FAT4: variants seen among roughly 807,000 people sequenced by gnomAD.
FAT4 encodes the protein protocadherin Fat 4.
FAT4 carries 84 observed loss-of-function variants against 303.9 expected under a neutral mutation model. The ratio of observed to expected loss-of-function variants is 0.28; its 90% CI spans 0.23 to 0.33. The LOEUF is 0.33. FAT4 is among the 10% of genes least tolerant of loss of function. FAT4 has a pLI of 1.00. For synonymous variants in FAT4, 2,307 were observed against 2,298.8 expected (o/e 1.00, Z -0.10); for missense variants, 6,005 against 6,146.8 (o/e 0.98, Z 0.77).
rs571796140 is a variant in FAT4, at chr4:125,395,727, A to G, written c.5176-3057A>G. Among the ~76,000 whole-genome samples the G allele has an allele frequency of 1.7e-4, 26 of 152,286 alleles. 2 individuals are homozygous for G. The South Asian group carries it at 4.1e-3, about 24-fold the overall frequency. On this transcript the variant is annotated intron_variant, in intron 2 of 17. Coordinates refer to ENST00000394329, the MANE Select transcript of FAT4 (RefSeq NM_001291303.3). The stretch of plus-strand genomic sequence containing the variant: ...TCTTACTAAAAATATAACTTTGCAT[A>G]TATCAGAATATAATGATGATGAAAT...
At chr4:125,418,626 A>G (rs776270665) in intron 7 of FAT4, among the ~76,000 whole-genome samples, 2 of 152,206 alleles carry the variant, frequency 1.3e-5, no homozygotes, top group African/African-American at 4.8e-5. Flanking sequence ...CAATTCCATT[A>G]CTGATGATAT....
At chr4:125,388,819 T>A (rs550327296) in intron 2 of FAT4, among the ~76,000 whole-genome samples, 1 of 152,292 alleles carries the variant, frequency 6.6e-6, no homozygotes, top group Admixed American at 6.5e-5. Flanking sequence ...AAGCATTTTG[T>A]TTTAAGAATG....
Position 125,321,097 on chromosome 4 carries a change from A to G in FAT4, c.4686A>G (p.Glu1562=). 1 of 1,614,184 alleles carries G rather than the reference A, an allele frequency of 6.2e-7. No individual in the cohort carries two copies. The highest frequency in any genetic ancestry group is 1.1e-5 in the South Asian group (1 of 91,082). ...ACCCAGATGAAGGTGCTAATGGAGAAATAGAGTATGAGATCATCAATGGGG... is the reference window on the plus strand; with the variant it reads ...ACCCAGATGAAGGTGCTAATGGAGAGATAGAGTATGAGATCATCAATGGGG... ...AADPDEGANG[E]IEYEIINGDT... is the part of the protein sequence containing the mutation. Residue 1562 remains glutamate (E), a synonymous_variant, in exon 2 of 18, where the codon GAA becomes GAG. Coordinates refer to ENST00000394329, the MANE Select transcript of FAT4 (RefSeq NM_001291303.3).
rs1436839992 is a variant in FAT4 at position 125,481,528 on chromosome 4, T to A, written c.12612T>A (p.Thr4204=). ...TTTTCCTTTGACTTCCAGCTGTTACTCCTGACACTGCCTTATCATTAGAAG... is the reference window on the plus strand; with the variant it reads ...TTTTCCTTTGACTTCCAGCTGTTACACCTGACACTGCCTTATCATTAGAAG... The part of the protein sequence containing the change: ...LTGKYCEKSV[T]PDTALSLEGK... The change falls in exon 16 of 18, where the codon ACT becomes ACA. Residue 4204 remains threonine, a synonymous_variant. Transcript: ENST00000394329. 1 of 1,613,806 alleles carries A rather than the reference T, an allele frequency of 6.2e-7. No individual in the cohort carries two copies. The highest frequency in any genetic ancestry group is 8.5e-7 in the Non-Finnish European group (1 of 1,179,866).
At chr4:125,446,232 T>G in intron 8 of FAT4, 61 bp from the exon 9 acceptor site, 2 of 1,393,288 alleles carry the variant, frequency 1.4e-6, no homozygotes, top group Non-Finnish European at 2.0e-6. Flanking sequence ...TTAATTATAG[T>G]AAATAGAAGT....
At chr4:125,424,823 G>A (rs1016825147) in intron 7 of FAT4, among the ~76,000 whole-genome samples, 4 of 152,122 alleles carry the variant, frequency 2.6e-5, no homozygotes, top group Admixed American at 6.5e-5. Context: ...AAGTACTTAC[G>A]TATTTTACCC....
chr4:125,363,288 T>C (rs1732740465), intron 2 of FAT4, among the ~76,000 whole-genome samples: 1 of 151,644 alleles, frequency 6.6e-6, no homozygotes, highest in South Asian at 2.1e-4. Context: ...TATAATTTCT[T>C]AGTTTGAGAG....
Position 125,449,228 on chromosome 4 carries a change from C to T in FAT4, c.8218C>T (p.His2740Tyr). Reference protein sequence around the residue: ...VRPLDREKVSHYVLTIKSSDK... With the variant: ...VRPLDREKVSYYVLTIKSSDK... ...ACCTTTGGACAGGGAAAAAGTATCT[C>T]ATTATGTCCTAACCATAAAATCATC... Residue 2740 changes from histidine (H) to tyrosine (Y), a missense_variant, in exon 10 of 18, where the codon CAT becomes TAT. Physicochemically the swap from His to Tyr is moderately conservative, Grantham distance 83. Transcript: ENST00000394329. 1 of 1,613,934 alleles carries T rather than the reference C, an allele frequency of 6.2e-7. No individual in the cohort carries two copies. Among genetic ancestry groups the T allele is most frequent in the Non-Finnish European group, 8.5e-7 (1 of 1,179,906 alleles).
At chr4:125,350,720 G>A (rs1732188648) in intron 2 of FAT4, among the ~76,000 whole-genome samples, 1 of 151,584 alleles carries the variant, frequency 6.6e-6, no homozygotes, top group Admixed American at 6.6e-5. Context: ...GTCATCCATA[G>A]GAAAACAGAG....
intron 2 of FAT4, among the ~76,000 whole-genome samples, chr4:125,331,649 A>G (rs1337041393): frequency 2.0e-5 from 3 of 152,140 alleles, no homozygotes; most frequent in African/African-American, 7.2e-5. Context: ...CTTCAACCTT[A>G]TCTAATTTTG....
In FAT4 at chr4:125,316,587, C is replaced by T. The variant is rs757284999; in HGVS notation, c.176C>T (p.Thr59Ile). 3.7e-5 allele frequency: 60 copies of T among 1,613,954 alleles called. No individual in the cohort carries two copies. The highest frequency in any genetic ancestry group is 4.8e-5 in the Non-Finnish European group (57 of 1,180,050). The part of the protein sequence containing the change: ...FQVLEEQPPG[T>I]LVGTIQTRPG... ...GTGCTGGAAGAGCAACCTCCAGGCA[C>T]TCTGGTAGGCACCATCCAGACGCGC... Residue 59 changes from threonine to isoleucine, a missense_variant, in exon 2 of 18, where the codon ACT (threonine) becomes ATT (isoleucine). Physicochemically the swap from Thr to Ile is moderately conservative, Grantham distance 89. Coordinates refer to ENST00000394329, the MANE Select transcript of FAT4 (RefSeq NM_001291303.3). This position sits in a 1 kb window ranked among gnomAD's most constrained non-coding sequence, Gnocchi z 5.7.
intron 3 of FAT4, among the ~76,000 whole-genome samples, chr4:125,399,934 A>C (rs1401917357): frequency 6.6e-6 from 1 of 151,924 alleles, no homozygotes; most frequent in African/African-American, 2.4e-5. Flanking sequence ...GTTGATAGAT[A>C]TGTGATATCA....
chr4:125,427,244 AT>A (rs968683902), intron 7 of FAT4, among the ~76,000 whole-genome samples: 1 of 151,700 alleles, frequency 6.6e-6, no homozygotes. Flanking sequence ...CATTTTAACG[AT>A]TTTTTAAGTG....
intron 2 of FAT4, among the ~76,000 whole-genome samples, chr4:125,367,915 G>T (rs1256882224): frequency 1.3e-5 from 2 of 152,124 alleles, no homozygotes; most frequent in African/African-American, 4.8e-5. Context: ...CTCTGACTCA[G>T]GTAGGTAGAG....
intron 5 of FAT4, among the ~76,000 whole-genome samples, chr4:125,413,591 T>C (rs1159241874): frequency 1.4e-5 from 1 of 71,262 alleles, no homozygotes; most frequent in African/African-American, 5.3e-5. Flanking sequence ...GACAGTAAAG[T>C]CACAGAATAA....
Position 125,449,889 on chromosome 4 carries a change from G to C in FAT4, c.8879G>C (p.Arg2960Pro). The C allele has an allele frequency of 6.2e-7, 1 of 1,613,872 alleles. No individual in the cohort carries two copies. Among genetic ancestry groups the C allele is most frequent in the Non-Finnish European group, 8.5e-7 (1 of 1,179,908 alleles). Residue 2960 changes from arginine to proline, a missense_variant, in exon 10 of 18, where the codon CGA (arginine) becomes CCA (proline). Coordinates refer to ENST00000394329, the MANE Select transcript of FAT4 (RefSeq NM_001291303.3). ...RHSFIVTSSD[R>P]GKPSLISETT... ...AGTTTTATAGTGACATCTTCAGATC[G>C]AGGTAAACCTTCCTTAATTAGTGAG...
rs774619822 is a variant in FAT4, at chr4:125,451,890, G to T, written c.10880G>T (p.Gly3627Val). ...RTVEIFVNYY[G>V]NLFPGGILGS... is the part of the protein sequence containing the mutation. ...GTGGAGATATTTGTTAATTATTATG[G>T]TAACTTGTTTCCCGGTGGGATTTTA... The change falls in exon 10 of 18, where the codon GGT becomes GTT. Residue 3627 changes from glycine (G) to valine (V), a missense_variant. Transcript: ENST00000394329. 4 of 1,613,894 alleles carry T rather than the reference G, an allele frequency of 2.5e-6. No individual in the cohort carries two copies. Among genetic ancestry groups the T allele is most frequent in the Non-Finnish European group, 3.4e-6 (4 of 1,180,008 alleles).
Position 125,321,059 on chromosome 4 carries a change from A to G in FAT4, c.4648A>G (p.Ile1550Val), listed in dbSNP as rs1730919617. 4 of 1,614,212 alleles carry G rather than the reference A, an allele frequency of 2.5e-6. No homozygotes were observed. Among genetic ancestry groups the G allele is most frequent in the East Asian group, 2.2e-5 (1 of 44,890 alleles). The change falls in exon 2 of 18, where the codon ATT (isoleucine) becomes GTT (valine). Residue 1550 changes from isoleucine (I) to valine (V), a missense_variant. By Grantham distance (29) the Ile-to-Val change is conservative (BLOSUM62 3). Transcript: ENST00000394329. The part of the protein sequence containing the change: ...SAVIGSVLTT[I>V]MAADPDEGAN... ...TGTGATTGGTTCCGTTCTGACAACA[A>G]TTATGGCTGCTGACCCAGATGAAGG...
Position 125,381,713 on chromosome 4 carries a change from C to G in FAT4, c.5176-17071C>G, listed in dbSNP as rs768941745. Among the ~76,000 whole-genome samples, 144 of 151,990 alleles carry G rather than the reference C, an allele frequency of 9.5e-4. 3 individuals carry two copies. The highest frequency in any genetic ancestry group is 2.2e-4 in the Non-Finnish European group (15 of 68,000). Reference sequence around the variant, plus strand: ...TGAAATAAGACAACAATGAAGTTTGCGGCTTTGATTGAGTCTGACTGTCAT... The same window carrying G: ...TGAAATAAGACAACAATGAAGTTTGGGGCTTTGATTGAGTCTGACTGTCAT... On this transcript the variant is annotated intron_variant, in intron 2 of 17. Coordinates refer to ENST00000394329, the MANE Select transcript of FAT4 (RefSeq NM_001291303.3).
Sources: allele counts gnomAD v4.1 joint callset (sites outside exome capture counted in the v4.1 genomes callset), GRCh38; gene constraint gnomAD v4.1.1; non-coding constraint Gnocchi (gnomAD v3.1); transcripts MANE v1.5; gene names NCBI Gene and HGNC (gene_info 2026-07-23, HGNC 2026-07-21).